CPPED1: variants seen among roughly 807,000 people sequenced by gnomAD.
The protein encoded by CPPED1 is calcineurin like phosphoesterase domain containing 1.
Under a neutral mutation model 28.0 loss-of-function variants are expected in CPPED1, and 28 were observed. The observed-to-expected ratio is 1.00, with a 90% CI of 0.74 to 1.37. The LOEUF is 1.37. Among genes scored for constraint, CPPED1 ranks in the 40% most tolerant of loss-of-function variants. The pLI is 0.00. For synonymous variants in CPPED1, 198 were observed against 180.2 expected (o/e 1.10, Z -0.79); for missense variants, 504 against 416.5 (o/e 1.21, Z -1.83).
At chr16:12,727,254 T>C (rs1008279460) in intron 2 of CPPED1, among the ~76,000 whole-genome samples, 10 of 152,182 alleles carry the variant, frequency 6.6e-5, no homozygotes, top group Non-Finnish European at 1.3e-4. Context: ...GCATTCTGGC[T>C]GGTGGCGACA....
intron 3 of CPPED1, among the ~76,000 whole-genome samples, chr16:12,691,074 G>A (rs1430337139): frequency 2.6e-5 from 4 of 152,214 alleles, no homozygotes; most frequent in East Asian, 3.9e-4. Flanking sequence ...CAGCAATGTC[G>A]TTGAGAACAC....
At chr16:12,716,293 G>A (rs775381113) in intron 2 of CPPED1, among the ~76,000 whole-genome samples, 1 of 152,190 alleles carries the variant, frequency 6.6e-6, no homozygotes, top group Non-Finnish European at 1.5e-5. Context: ...CTTAATCATA[G>A]AATATTCCAT....
chr16:12,679,849 T>C (rs1173770041), intron 3 of CPPED1, among the ~76,000 whole-genome samples: 1 of 152,188 alleles, frequency 6.6e-6, no homozygotes, highest in Non-Finnish European at 1.5e-5. Context: ...CTTATCTGAC[T>C]AAGGAGATGT....
chr16:12,770,211 G>A (rs553369140), intron 2 of CPPED1, among the ~76,000 whole-genome samples: 106 of 152,250 alleles, frequency 7.0e-4, no homozygotes, highest in African/African-American at 2.5e-3. Flanking sequence ...CTAAGAGAAC[G>A]GCCTGGTGTG....
rs571231270 is a variant in CPPED1, at chr16:12,662,664, A to C, written c.*2222T>G. On this transcript the variant is annotated 3_prime_UTR_variant, in exon 4 of 4. Coordinates refer to ENST00000381774, the MANE Select transcript of CPPED1 (RefSeq NM_018340.3). ...TTCTACTTCTAAGTTATTTCACTTA[A>C]GATAACAGCCTCCAGTTCCATCCAG... 1 of 152,358 alleles carries C rather than the reference A, an allele frequency of 6.6e-6. No homozygotes were observed. The highest frequency in any genetic ancestry group is 2.4e-5 in the African/African-American group (1 of 41,584). The allele number at this position is 152,358 out of a possible 1,614,324, so 9.4% of individuals were successfully genotyped here.
chr16:12,775,295 T>C lies in CPPED1; in HGVS notation c.289+5890A>G, dbSNP rs562702546. 2.0e-5 allele frequency among the ~76,000 whole-genome samples: 3 copies of C among 152,210 alleles called. No homozygotes were observed. The East Asian group carries it at 5.8e-4, about 29-fold the overall frequency. ...GCCTCCATAACTGAAAGAAATAAAT[T>C]TCATTTCTTATAAACGACCCAGTTC... On this transcript the variant is annotated intron_variant, in intron 2 of 3. Coordinates refer to ENST00000381774, the MANE Select transcript of CPPED1 (RefSeq NM_018340.3).
At chr16:12,762,059 A>AT (rs1410589726) in intron 2 of CPPED1, among the ~76,000 whole-genome samples, 10 of 151,112 alleles carry the variant, frequency 6.6e-5, no homozygotes, top group Non-Finnish European at 7.4e-5. Flanking sequence ...GGAAAGGTAA[A>AT]TTTTTTTTTT....
intron 2 of CPPED1, among the ~76,000 whole-genome samples, chr16:12,731,536 G>A (rs1351617554): frequency 6.6e-6 from 1 of 151,934 alleles, no homozygotes; most frequent in Non-Finnish European, 1.5e-5. Flanking sequence ...CACTTAGAGC[G>A]AAAGAAGCCA....
chr16:12,693,628 T>C lies in CPPED1; in HGVS notation c.715+10996A>G, dbSNP rs564149398. 1.2e-4 allele frequency among the ~76,000 whole-genome samples: 18 copies of C among 152,328 alleles called. No individual in the cohort carries two copies. The South Asian group carries it at 1.2e-3, about 11-fold the overall frequency. On this transcript the variant is annotated intron_variant, in intron 3 of 3. Transcript: ENST00000381774. The stretch of plus-strand genomic sequence containing the variant: ...CAATGTTGTAGATTTGTACTTACAC[T>C]GTGGGAAATAGGGAAAATGTCTTTT...
intron 3 of CPPED1, among the ~76,000 whole-genome samples, chr16:12,701,197 C>G (rs1206602570): frequency 1.3e-5 from 2 of 151,680 alleles, no homozygotes; most frequent in African/African-American, 4.8e-5. Flanking sequence ...TCACTGCACT[C>G]CAGCCTGAGT....
At chr16:12,785,617 G>A (rs933190346) in intron 1 of CPPED1, among the ~76,000 whole-genome samples, 12 of 151,770 alleles carry the variant, frequency 7.9e-5, no homozygotes, top group Admixed American at 2.6e-4. Flanking sequence ...TAGTAGAGAC[G>A]GGGTTTCGCC....
intron 1 of CPPED1, among the ~76,000 whole-genome samples, chr16:12,795,120 T>C (rs960009354): frequency 6.6e-6 from 1 of 152,226 alleles, no homozygotes; most frequent in Admixed American, 6.5e-5. Context: ...GCAGCTGCTG[T>C]CCCAGGCAGC....
At chr16:12,667,095 G>A (rs981914376) in intron 3 of CPPED1, among the ~76,000 whole-genome samples, 10 of 151,944 alleles carry the variant, frequency 6.6e-5, no homozygotes, top group Admixed American at 6.6e-4. Context: ...TAGAGAGAGA[G>A]AAGTTAGTCA....
At position 12,722,245 on chromosome 16, in the gene CPPED1, G is replaced by T. The variant is rs567116255; in HGVS notation, c.290-17196C>A. On this transcript the variant is annotated intron_variant, in intron 2 of 3. Transcript: ENST00000381774. ...CCTTTTACTCATTCGGGGTGGCAGCGAGTGGACTTCCCAGCTCAATATAAG... is the reference window on the plus strand; with the variant it reads ...CCTTTTACTCATTCGGGGTGGCAGCTAGTGGACTTCCCAGCTCAATATAAG... 5.3e-5 allele frequency among the ~76,000 whole-genome samples: 8 copies of T among 152,178 alleles called. No individual in the cohort carries two copies. In the East Asian group the frequency reaches 1.5e-3, roughly 29 times the overall value.
chr16:12,672,964 A>C (rs1378565002), intron 3 of CPPED1, among the ~76,000 whole-genome samples: 2 of 152,152 alleles, frequency 1.3e-5, no homozygotes, highest in Non-Finnish European at 1.5e-5. Flanking sequence ...CAGTGAGCTG[A>C]GATTGTGCCA....
intron 3 of CPPED1, among the ~76,000 whole-genome samples, chr16:12,701,642 G>A (rs958350578): frequency 6.6e-6 from 1 of 152,192 alleles, no homozygotes; most frequent in Non-Finnish European, 1.5e-5. Flanking sequence ...GAAGAGCTGG[G>A]CCGGACCTGG....
At chr16:12,781,036 G>A (rs1266824496) in intron 2 of CPPED1, 149 bp downstream of exon 2, 9 of 649,328 alleles carry the variant, frequency 1.4e-5, no homozygotes, top group Admixed American at 1.1e-4. Context: ...ACTTTCTGAT[G>A]TTCAATGATA....
chr16:12,721,009 G>A (rs924614751), intron 2 of CPPED1, among the ~76,000 whole-genome samples: 1 of 152,158 alleles, frequency 6.6e-6, no homozygotes, highest in Non-Finnish European at 1.5e-5. Flanking sequence ...AGCCCTAGAT[G>A]GATAGGATGA....
intron 2 of CPPED1, among the ~76,000 whole-genome samples, chr16:12,754,420 T>C (rs1051136849): frequency 7.9e-5 from 12 of 152,106 alleles, no homozygotes; most frequent in African/African-American, 2.7e-4. Flanking sequence ...GGGCCCCCCA[T>C]GCTAAAAGCA....
Sources: gnomAD v4.1 joint callset for allele counts (sites outside exome capture counted in the v4.1 genomes callset) on GRCh38, gnomAD v4.1.1 for gene constraint, MANE v1.5 for transcripts, NCBI Gene and HGNC (gene_info 2026-07-23, HGNC 2026-07-21) for gene names.